Variants in LRP2 observed in about 807,000 individuals in gnomAD.
LRP2 encodes the protein low-density lipoprotein receptor-related protein 2.
Under a neutral mutation model 531.0 loss-of-function variants are expected in LRP2, and 172 were observed. The ratio of observed to expected loss-of-function variants is 0.32; its 90% CI spans 0.29 to 0.37. The LOEUF (loss-of-function observed/expected upper bound fraction) is 0.37. Ranked by LOEUF, LRP2 falls within the 10% of genes least tolerant of loss-of-function variation. The pLI is 1.00. For missense variants in LRP2, 5,167 were observed against 5,868.3 expected, an observed-to-expected ratio of 0.88 and a Z score of 3.90; for synonymous variants, 1,992 against 2,027.6, an observed-to-expected ratio of 0.98 and a Z score of 0.47.
At chr2:169,293,640 A>C (rs112152352) in intron 6 of LRP2, among the ~76,000 whole-genome samples, 2,405 of 152,010 alleles carry the variant, frequency 0.016, 50 homozygotes, top group African/African-American at 0.051. Context: ...GCGCCACTGT[A>C]CTCCAGCCCA....
At chr2:169,350,407 T>C (rs1483174939) in intron 1 of LRP2, among the ~76,000 whole-genome samples, 1 of 151,922 alleles carries the variant, frequency 6.6e-6, no homozygotes, top group Non-Finnish European at 1.5e-5. Context: ...AGCATGTACA[T>C]GGTAAAGAAG....
chr2:169,196,143 T>C (rs1417940960), intron 46 of LRP2, among the ~76,000 whole-genome samples: 1 of 152,166 alleles, frequency 6.6e-6, no homozygotes, highest in Non-Finnish European at 1.5e-5. Context: ...ACAGGCCCTA[T>C]GGTCTCTGTT....
intron 4 of LRP2, among the ~76,000 whole-genome samples, chr2:169,298,263 CAT>C (rs1447834297): frequency 1.3e-5 from 2 of 152,162 alleles, no homozygotes; most frequent in East Asian, 1.9e-4. Flanking sequence ...ATGTGCCAGA[CAT>C]GTGTCAAAGT....
chr2:169,201,944 A>T, intron 43 of LRP2, 74 bp from the exon 44 acceptor site: 1 of 1,574,668 alleles, frequency 6.4e-7, no homozygotes, highest in Non-Finnish European at 8.6e-7. Flanking sequence ...AGATACAATT[A>T]AATAAAAGAG....
At position 169,189,413 on chromosome 2, in the gene LRP2, C is replaced by T. The variant is rs532304665; in HGVS notation, c.9033-1148G>A. Among the ~76,000 whole-genome samples, 4 of 152,284 alleles carry T rather than the reference C, an allele frequency of 2.6e-5. No individual in the cohort carries two copies. In the South Asian group the frequency reaches 6.2e-4, roughly 24 times the overall value. ...AGACTGGCTCAGCTTCATTTGGTCT[C>T]CCGGGAGCTATTTAACTCATTTCCA... is the stretch of plus-strand genomic sequence containing the variant. On this transcript the variant is annotated intron_variant, in intron 48 of 78. Transcript: ENST00000649046.
At chr2:169,346,341 C>G (rs962584726) in intron 1 of LRP2, among the ~76,000 whole-genome samples, 19 of 152,060 alleles carry the variant, frequency 1.2e-4, no homozygotes, top group Admixed American at 1.2e-3. Flanking sequence ...AGAATCTTAG[C>G]TTTCAATGAT....
chr2:169,139,146 T>G (rs1465219448), intron 74 of LRP2, 105 bp downstream of exon 74: 10 of 1,530,188 alleles, frequency 6.5e-6, no homozygotes, highest in African/African-American at 1.4e-5. Context: ...ATCGGTGAAC[T>G]GCGTATTGTG....
chr2:169,323,867 A>T (rs1415722777), intron 1 of LRP2, among the ~76,000 whole-genome samples: 10 of 148,314 alleles, frequency 6.7e-5, no homozygotes, highest in Admixed American at 6.7e-4. Context: ...AAAAAAAAAA[A>T]ATCCCTCTAG....
rs560347720 is a variant in LRP2 at position 169,216,949 on chromosome 2, G to T, written c.5649-519C>A. 2.0e-5 allele frequency among the ~76,000 whole-genome samples: 3 copies of T among 152,140 alleles called. No homozygotes were observed. The East Asian group carries it at 5.8e-4, about 29-fold the overall frequency. On this transcript the variant is annotated intron_variant, in intron 34 of 78. Coordinates refer to ENST00000649046, the MANE Select transcript of LRP2 (RefSeq NM_004525.3). ...ATTTTGAAAACTGACACAGAAAATAGGAGAAATAATGAGTAACACTTTTCT... is the reference window on the plus strand; with the variant it reads ...ATTTTGAAAACTGACACAGAAAATATGAGAAATAATGAGTAACACTTTTCT...
At chr2:169,233,658 A>G (rs999662282) in intron 29 of LRP2, 70 bp from the exon 30 acceptor site, 21 of 1,311,302 alleles carry the variant, frequency 1.6e-5, no homozygotes, top group South Asian at 3.6e-5. Context: ...GTCAAAGAGG[A>G]TATCTGCTCA....
At chr2:169,362,288 G>C (rs754889387) in intron 1 of LRP2, 33 bp downstream of exon 1, 1 of 1,522,426 alleles carries the variant, frequency 6.6e-7, no homozygotes, top group South Asian at 1.2e-5. Flanking sequence ...GGGGAAGTGG[G>C]GGCTCCACGA....
rs977012451 is a variant in LRP2 at position 169,127,911 on chromosome 2, C to G, written c.*752G>C. On this transcript the variant is annotated 3_prime_UTR_variant, in exon 79 of 79. Coordinates refer to ENST00000649046, the MANE Select transcript of LRP2 (RefSeq NM_004525.3). The stretch of plus-strand genomic sequence containing the variant: ...GCAGAAGAGCTCATTTAATTAACCA[C>G]AAACTCAATGCAGGACACTGGCACT... 5 of 152,370 alleles carry G rather than the reference C, an allele frequency of 3.3e-5. No homozygotes were observed. Among genetic ancestry groups the G allele is most frequent in the Admixed American group, 1.3e-4 (2 of 15,278 alleles). The allele number at this position is 152,370 out of a possible 1,614,324, so 9.4% of individuals were successfully genotyped here.
At chr2:169,324,432 C>T (rs978448900) in intron 1 of LRP2, among the ~76,000 whole-genome samples, 1 of 152,010 alleles carries the variant, frequency 6.6e-6, no homozygotes, top group African/African-American at 2.4e-5. Flanking sequence ...ATCCATAGTG[C>T]TTATATACTT....
intron 4 of LRP2, among the ~76,000 whole-genome samples, chr2:169,306,506 C>T (rs920153983): frequency 6.6e-6 from 1 of 152,142 alleles, no homozygotes; most frequent in African/African-American, 2.4e-5. Context: ...CACACTCAGC[C>T]TGGGCAACAA....
intron 47 of LRP2, among the ~76,000 whole-genome samples, chr2:169,193,287 G>T (rs1471237700): frequency 6.6e-6 from 1 of 151,838 alleles, no homozygotes; most frequent in East Asian, 1.9e-4. Flanking sequence ...TAAAAAATCA[G>T]CCAGGCATGG....
chr2:169,307,926 T>C (rs546561044), intron 3 of LRP2, among the ~76,000 whole-genome samples: 1 of 152,292 alleles, frequency 6.6e-6, no homozygotes, highest in Admixed American at 6.5e-5. Context: ...TTTCATCCCA[T>C]GTTGATTAGT....
At chr2:169,340,021 T>G (rs1685521537) in intron 1 of LRP2, among the ~76,000 whole-genome samples, 1 of 152,088 alleles carries the variant, frequency 6.6e-6, no homozygotes, top group African/African-American at 2.4e-5. Flanking sequence ...GACCCTAAAG[T>G]CAAATTCCAG....
intron 10 of LRP2, 57 bp downstream of exon 10, chr2:169,282,816 A>G: frequency 1.3e-6 from 2 of 1,558,178 alleles, no homozygotes. Flanking sequence ...AAGGAAGGAA[A>G]GAAGCTATTA....
chr2:169,143,016 C>A (rs1410132576), intron 70 of LRP2, among the ~76,000 whole-genome samples: 1 of 152,112 alleles, frequency 6.6e-6, no homozygotes, highest in Non-Finnish European at 1.5e-5. Context: ...ATTTCTGTAC[C>A]ACTCACATTT....
Sources: allele counts gnomAD v4.1 joint callset (sites outside exome capture counted in the v4.1 genomes callset), GRCh38; gene constraint gnomAD v4.1.1; transcripts MANE v1.5; gene names NCBI Gene and HGNC (gene_info 2026-07-23, HGNC 2026-07-21).